ABCA1: variants seen among roughly 807,000 people sequenced by gnomAD.
ABCA1 encodes the protein phospholipid-transporting ATPase ABCA1.
ABCA1 carries 133 observed loss-of-function variants against 262.5 expected under a neutral mutation model. The ratio of observed to expected loss-of-function variants is 0.51; its 90% CI spans 0.44 to 0.59. ABCA1 has a LOEUF of 0.59. Among genes scored for constraint, ABCA1 ranks in the 20% least tolerant of loss-of-function variants. The pLI, the probability that ABCA1 is intolerant of heterozygous loss-of-function variation, is 0.00. For synonymous variants in ABCA1, 1,022 were observed against 1,043.5 expected (o/e 0.98, Z 0.40); for missense variants, 2,452 against 2,777.5 (o/e 0.88, Z 2.63).
chr9:104,822,340 A>C (rs187549666), intron 19 of ABCA1, among the ~76,000 whole-genome samples, 156 bp downstream of exon 19: 6 of 152,332 alleles, frequency 3.9e-5, no homozygotes, highest in African/African-American at 1.4e-4. Context: ...ACGTGGAAAG[A>C]CACTCATGAT....
At chr9:104,851,027 T>A (rs1480518881) in intron 7 of ABCA1, among the ~76,000 whole-genome samples, 1 of 152,234 alleles carries the variant, frequency 6.6e-6, no homozygotes, top group Non-Finnish European at 1.5e-5. Context: ...AAATGCTTAC[T>A]GTTATTATTC....
intron 20 of ABCA1, 51 bp downstream of exon 20, chr9:104,821,324 A>T (rs1458818629): frequency 6.3e-7 from 1 of 1,598,884 alleles, no homozygotes; most frequent in Admixed American, 1.7e-5. Context: ...TGATGGCATG[A>T]CACACACACA....
At chr9:104,915,939 C>G (rs539178817) in intron 1 of ABCA1, among the ~76,000 whole-genome samples, 40 of 152,308 alleles carry the variant, frequency 2.6e-4, no homozygotes, top group African/African-American at 9.6e-4. Flanking sequence ...TCTCTGCAGA[C>G]TCCAGGGACA....
At chr9:104,785,220 G>A (rs995635322) in intron 49 of ABCA1, among the ~76,000 whole-genome samples, 176 bp downstream of exon 49, 2 of 152,104 alleles carry the variant, frequency 1.3e-5, no homozygotes, top group African/African-American at 4.8e-5. Flanking sequence ...GAGTACATAG[G>A]CATCATCTCC....
Position 104,845,513 on chromosome 9 carries a change from T to A in ABCA1, c.777A>T (p.Lys259Asn). The A allele has an allele frequency of 6.2e-7, 1 of 1,614,138 alleles. No homozygotes were observed. The highest frequency in any genetic ancestry group is 8.5e-7 in the Non-Finnish European group (1 of 1,179,980). ...FPSKELAEAT[K>N]TLLHSLGTLA... ...GAGTCCCAAGACTATGCAGCAATGT[T>A]TTTGTGGCTTCAGCCAGCTCCTTGC... The change falls in exon 8 of 50, where the codon AAA becomes AAT. Residue 259 changes from lysine (K) to asparagine (N), a missense_variant. By Grantham distance (94) the Lys-to-Asn change is moderately conservative. Around this residue, in one of 4 missense-constraint regions of ABCA1, gnomAD observed 1,032 missense variants for 1,089.7 expected, o/e 0.95. Transcript: ENST00000374736.
chr9:104,890,871 C>T (rs749731143), intron 2 of ABCA1, among the ~76,000 whole-genome samples: 1 of 152,082 alleles, frequency 6.6e-6, no homozygotes, highest in African/African-American at 2.4e-5. Context: ...CACCTTAATC[C>T]TACCTCCCAG....
At chr9:104,811,037 C>A in intron 28 of ABCA1, 113 bp from the exon 29 acceptor site, 5 of 1,491,618 alleles carry the variant, frequency 3.4e-6, no homozygotes, top group East Asian at 2.3e-5. Context: ...CCAACCAGCA[C>A]GGCAATGAGG....
intron 1 of ABCA1, among the ~76,000 whole-genome samples, chr9:104,920,980 G>T (rs1354426043): frequency 6.6e-6 from 1 of 152,148 alleles, no homozygotes; most frequent in Non-Finnish European, 1.5e-5. Context: ...ATATCCATTA[G>T]TAATAACCAG....
intron 2 of ABCA1, among the ~76,000 whole-genome samples, chr9:104,891,966 TAAAAAAAAAAAAAAAA>T (rs570923490): frequency 2.0e-4 from 12 of 59,228 alleles, no homozygotes; most frequent in African/African-American, 5.7e-4. Flanking sequence ...CTCTGTCTCT[TAAAAAAAAAAAAAAAA>T]AAAAAAAAAA....
At chr9:104,900,862 G>C (rs1840611036) in intron 2 of ABCA1, among the ~76,000 whole-genome samples, 1 of 152,164 alleles carries the variant, frequency 6.6e-6, no homozygotes, top group Non-Finnish European at 1.5e-5. Context: ...ACTTCCTTTA[G>C]AAATCAGGAA....
chr9:104,899,618 C>T (rs1439268850), intron 2 of ABCA1, among the ~76,000 whole-genome samples: 13 of 151,900 alleles, frequency 8.6e-5, no homozygotes, highest in Non-Finnish European at 1.6e-4. Flanking sequence ...TGCTTGATCC[C>T]GGGAGGCAGA....
At chr9:104,895,904 G>A (rs1840161502) in intron 2 of ABCA1, among the ~76,000 whole-genome samples, 1 of 152,136 alleles carries the variant, frequency 6.6e-6, no homozygotes, top group Non-Finnish European at 1.5e-5. Flanking sequence ...GAGAAAACTA[G>A]CAGAATAAAA....
chr9:104,920,892 T>C (rs1245147311), intron 1 of ABCA1, among the ~76,000 whole-genome samples: 1 of 152,186 alleles, frequency 6.6e-6, no homozygotes, highest in Admixed American at 6.6e-5. Context: ...ACGGTTCACA[T>C]TATACACAAA....
chr9:104,827,908 T>C (rs1191227589), intron 15 of ABCA1, among the ~76,000 whole-genome samples: 1 of 152,244 alleles, frequency 6.6e-6, no homozygotes, highest in Non-Finnish European at 1.5e-5. Context: ...GAAGCCCATG[T>C]GATGTGTTTA....
At chr9:104,794,727 A>G (rs1364675763) in intron 39 of ABCA1, among the ~76,000 whole-genome samples, 1 of 152,220 alleles carries the variant, frequency 6.6e-6, no homozygotes, top group East Asian at 1.9e-4. Flanking sequence ...TATTCTTTAG[A>G]AAATCTGGAG....
chr9:104,806,494 G>A (rs1830778810), intron 30 of ABCA1, 64 bp from the exon 31 acceptor site: 1 of 1,523,524 alleles, frequency 6.6e-7, no homozygotes. Flanking sequence ...GTTGCCTCAG[G>A]AGCACAGGAT....
chr9:104,826,827 A>G, intron 16 of ABCA1, 121 bp downstream of exon 16: 2 of 914,874 alleles, frequency 2.2e-6, no homozygotes, highest in Non-Finnish European at 3.5e-6. Context: ...ATCTAGAGCT[A>G]AGGTTCATGT....
At chr9:104,919,401 G>T (rs971145998) in intron 1 of ABCA1, among the ~76,000 whole-genome samples, 4 of 152,124 alleles carry the variant, frequency 2.6e-5, no homozygotes, top group African/African-American at 9.7e-5. Context: ...CACAAGGTCA[G>T]GAGTTAAAGA....
intron 10 of ABCA1, among the ~76,000 whole-genome samples, 160 bp from the exon 11 acceptor site, chr9:104,837,256 C>T (rs954016480): frequency 7.2e-5 from 11 of 152,202 alleles, no homozygotes; most frequent in Non-Finnish European, 1.0e-4. Context: ...TCTATACCCA[C>T]GACTGGGGAG....
Sources: allele counts gnomAD v4.1 joint callset (sites outside exome capture counted in the v4.1 genomes callset), GRCh38; gene constraint gnomAD v4.1.1; regional missense constraint gnomAD v4.1.1; transcripts MANE v1.5; gene names NCBI Gene and HGNC (gene_info 2026-07-23, HGNC 2026-07-21).